Variants in B3GALT1 observed in about 807,000 individuals in gnomAD.
The protein encoded by B3GALT1 is beta-1,3-galactosyltransferase 1, also known as UDP-Gal:betaGlcNAc beta 1,3-galactosyltransferase, polypeptide 1.
B3GALT1 carries 10 observed loss-of-function variants against 23.2 expected under a neutral mutation model. The observed-to-expected ratio is 0.43, with a 90% CI of 0.27 to 0.73. The LOEUF is 0.73. B3GALT1 is among the 30% of genes least tolerant of loss of function. The pLI, the probability that B3GALT1 is intolerant of heterozygous loss-of-function variation, is 0.21. For synonymous variants in B3GALT1, 156 were observed against 141.5 expected, an observed-to-expected ratio of 1.10 and a Z score of -0.73; for missense variants, 299 against 405.4, an observed-to-expected ratio of 0.74 and a Z score of 2.25.
At chr2:167,660,502 T>G (rs745877028) in intron 3 of B3GALT1, among the ~76,000 whole-genome samples, 3 of 152,080 alleles carry the variant, frequency 2.0e-5, no homozygotes, top group Non-Finnish European at 4.4e-5. Flanking sequence ...TAATTTGGCT[T>G]TTAAGGTCTC....
rs181434749 is a variant in B3GALT1 at position 167,787,064 on chromosome 2, C to G, written c.-351-31608C>G. Among the ~76,000 whole-genome samples, 941 of 152,208 alleles carry G rather than the reference C, an allele frequency of 6.2e-3. 9 individuals are homozygous for G. Among genetic ancestry groups the G allele is most frequent in the African/African-American group, 0.022 (894 of 41,536 alleles). On this transcript the variant is annotated intron_variant, in intron 3 of 4. Coordinates refer to ENST00000392690, the MANE Select transcript of B3GALT1 (RefSeq NM_020981.4). ...CCTGGGATCTGATTATGGCCTGGTC[C>G]GTCTGTATTTTGACCAGCTAGAAGG... is the stretch of plus-strand genomic sequence containing the variant.
chr2:167,721,847 T>C (rs1218487082), intron 3 of B3GALT1, among the ~76,000 whole-genome samples: 1 of 152,174 alleles, frequency 6.6e-6, no homozygotes, highest in Middle Eastern at 3.2e-3. Flanking sequence ...TCCGGCCAGG[T>C]AGTAAACTAG....
At chr2:167,525,295 T>A (rs1362149858) in intron 2 of B3GALT1, among the ~76,000 whole-genome samples, 2 of 152,174 alleles carry the variant, frequency 1.3e-5, no homozygotes, top group African/African-American at 2.4e-5. Context: ...TACGTTTTCC[T>A]TTTTATTTTC....
chr2:167,441,909 A>C (rs962174456), intron 1 of B3GALT1, among the ~76,000 whole-genome samples: 6 of 150,926 alleles, frequency 4.0e-5, no homozygotes, highest in African/African-American at 1.5e-4. Flanking sequence ...TTTAAGTTTT[A>C]GGGTACATGT....
chr2:167,338,170 T>C (rs1235684889), intron 1 of B3GALT1, among the ~76,000 whole-genome samples: 2 of 152,182 alleles, frequency 1.3e-5, no homozygotes, highest in Non-Finnish European at 2.9e-5. Context: ...ACAGCCAATA[T>C]CTGTTATTTT....
chr2:167,561,729 A>C (rs1173127681), intron 2 of B3GALT1, among the ~76,000 whole-genome samples: 1 of 152,248 alleles, frequency 6.6e-6, no homozygotes, highest in African/African-American at 2.4e-5. Flanking sequence ...ATTCCTTGAC[A>C]CATACACTCT....
intron 3 of B3GALT1, among the ~76,000 whole-genome samples, chr2:167,806,685 A>G (rs1688762817): frequency 6.6e-6 from 1 of 152,082 alleles, no homozygotes; most frequent in African/African-American, 2.4e-5. Context: ...CATGGTGGAT[A>G]AGCTTTTTGA....
chr2:167,646,967 G>A lies in B3GALT1; in HGVS notation c.-352+1G>A, dbSNP rs977355786. The stretch of plus-strand genomic sequence containing the variant: ...TTCTGGAGATCGCCTCTTTGAAAGC[G>A]TAAGTGTAAAGTTTATTTGGCTTAC... On this transcript the variant is annotated splice_donor_variant, in intron 3 of 4. Transcript: ENST00000392690. LOFTEE classifies it low-confidence loss of function (5UTR_SPLICE). 5.3e-5 allele frequency among the ~76,000 whole-genome samples: 8 copies of A among 152,104 alleles called. No homozygotes were observed. Among genetic ancestry groups the A allele is most frequent in the South Asian group, 2.1e-4 (1 of 4,820 alleles).
chr2:167,547,265 G>A (rs1683654336), intron 2 of B3GALT1, among the ~76,000 whole-genome samples: 1 of 152,170 alleles, frequency 6.6e-6, no homozygotes, highest in Admixed American at 6.5e-5. Context: ...CCCGTTCAAT[G>A]TACATCTGCA....
Position 167,507,448 on chromosome 2 carries a change from G to A in B3GALT1, c.-410+17171G>A, listed in dbSNP as rs552595089. ...TTGAACCAGGGAGTTGGAGGTTGCA[G>A]TGAACCAAGATCGCGCCACTGCACT... is the stretch of plus-strand genomic sequence containing the variant. On this transcript the variant is annotated intron_variant, in intron 2 of 4. Coordinates refer to ENST00000392690, the MANE Select transcript of B3GALT1 (RefSeq NM_020981.4). Among the ~76,000 whole-genome samples, 49 of 137,732 alleles carry A rather than the reference G, an allele frequency of 3.6e-4. No individual in the cohort carries two copies. In the East Asian group the frequency reaches 4.6e-3, roughly 13 times the overall value. The allele number at this position is 137,732 out of a possible 152,430, so 90.4% of individuals were successfully genotyped here.
intron 2 of B3GALT1, among the ~76,000 whole-genome samples, chr2:167,577,541 A>G (rs762452222): frequency 6.6e-6 from 1 of 151,906 alleles, no homozygotes; most frequent in Admixed American, 6.6e-5. Flanking sequence ...ATTGCTTTCA[A>G]TGAATTAATC....
intron 1 of B3GALT1, among the ~76,000 whole-genome samples, chr2:167,477,250 C>A (rs1358796422): frequency 6.6e-6 from 1 of 152,130 alleles, no homozygotes; most frequent in Non-Finnish European, 1.5e-5. Flanking sequence ...TAAAAAGCCA[C>A]GTTGGCAAGT....
chr2:167,305,586 T>C (rs1023141254), intron 1 of B3GALT1, among the ~76,000 whole-genome samples: 10 of 152,116 alleles, frequency 6.6e-5, no homozygotes, highest in Non-Finnish European at 1.3e-4. Context: ...TTATCTTGCC[T>C]TCCTTGTCTT....
At chr2:167,622,685 C>T (rs1010784061) in intron 2 of B3GALT1, among the ~76,000 whole-genome samples, 1 of 152,060 alleles carries the variant, frequency 6.6e-6, no homozygotes, top group Non-Finnish European at 1.5e-5. Context: ...AAAGGAAATG[C>T]ATCTTACAAT....
intron 1 of B3GALT1, among the ~76,000 whole-genome samples, chr2:167,302,383 C>T (rs1310481804): frequency 6.6e-6 from 1 of 151,914 alleles, no homozygotes; most frequent in Admixed American, 6.6e-5. Flanking sequence ...ATGATAATGG[C>T]TTTGGGCTCC....
chr2:167,379,710 G>A (rs1559080099), intron 1 of B3GALT1, among the ~76,000 whole-genome samples: 1 of 152,206 alleles, frequency 6.6e-6, no homozygotes, highest in Admixed American at 6.5e-5. Flanking sequence ...TCCCTGCTCA[G>A]TCCCAAGACA....
At chr2:167,741,258 CA>C (rs1203472698) in intron 3 of B3GALT1, among the ~76,000 whole-genome samples, 1 of 152,116 alleles carries the variant, frequency 6.6e-6, no homozygotes, top group African/African-American at 2.4e-5. Flanking sequence ...TCAGTATATC[CA>C]CTTTATTGTA....
intron 2 of B3GALT1, among the ~76,000 whole-genome samples, chr2:167,604,780 G>A (rs1684933834): frequency 6.6e-6 from 1 of 152,134 alleles, no homozygotes; most frequent in South Asian, 2.1e-4. Flanking sequence ...CATGTTTGGT[G>A]CCCAGTCTGT....
intron 2 of B3GALT1, among the ~76,000 whole-genome samples, chr2:167,517,697 A>C (rs1417172148): frequency 6.6e-6 from 1 of 152,002 alleles, no homozygotes; most frequent in Non-Finnish European, 1.5e-5. Flanking sequence ...TAAAAATGAA[A>C]CTTTAAACTA....
Sources: allele counts gnomAD v4.1 joint callset (sites outside exome capture counted in the v4.1 genomes callset), GRCh38; gene constraint gnomAD v4.1.1; transcripts MANE v1.5; gene names NCBI Gene and HGNC (gene_info 2026-07-23, HGNC 2026-07-21).